ALDH1A1: variants seen among roughly 807,000 people sequenced by gnomAD.
ALDH1A1 encodes the protein aldehyde dehydrogenase 1 family member A1, also known as aldehyde dehydrogenase 1A1.
ALDH1A1 carries 19 observed loss-of-function variants against 62.1 expected under a neutral mutation model. That is an observed-to-expected ratio of 0.31 (90% confidence interval 0.21 to 0.45). The LOEUF is 0.45. Among genes scored for constraint, ALDH1A1 ranks in the 20% least tolerant of loss-of-function variants. The probability of loss-of-function intolerance (pLI) is 1.00; values close to 1 mark genes in which losing one functional copy is unlikely to be tolerated. For synonymous variants in ALDH1A1, 231 were observed against 215.9 expected, an observed-to-expected ratio of 1.07 and a Z score of -0.61; for missense variants, 521 against 607.1, an observed-to-expected ratio of 0.86 and a Z score of 1.49.
Position 72,901,290 on chromosome 9 carries a change from A to G in ALDH1A1, c.1434-10T>C. ...GAAACCGTACTCTCCCCTAGAGAGA[A>G]GAAAAACATACCCACAAACACCATT... On this transcript the variant is annotated splice_polypyrimidine_tract_variant and intron_variant, in intron 12 of 12. Coordinates refer to ENST00000297785, the MANE Select transcript of ALDH1A1 (RefSeq NM_000689.5). The G allele has an allele frequency of 1.3e-6, 2 of 1,588,350 alleles. No individual in the cohort carries two copies. The highest frequency in any genetic ancestry group is 2.2e-5 in the South Asian group (2 of 90,362).
intron 3 of ALDH1A1, 64 bp from the exon 4 acceptor site, chr9:72,929,085 A>C: frequency 6.5e-7 from 1 of 1,531,102 alleles, no homozygotes; most frequent in Non-Finnish European, 8.9e-7. Flanking sequence ...ATATGTAGTA[A>C]ATATTTTCAG....
In ALDH1A1 at chr9:72,901,140, C is replaced by T; in HGVS notation, c.*68G>A. 8.1e-7 allele frequency: 1 copy of T among 1,229,800 alleles called. No individual in the cohort carries two copies. The highest frequency in any genetic ancestry group is 2.1e-5 in the Admixed American group (1 of 47,546). 76.2% of individuals were successfully genotyped at this position (1,229,800 alleles called of 1,614,324 possible). A position where few individuals can be genotyped will look rare whatever the true frequency, so the allele number is the denominator to read the frequency against. On this transcript the variant is annotated 3_prime_UTR_variant, in exon 13 of 13. Transcript: ENST00000297785. The stretch of plus-strand genomic sequence containing the variant: ...AAAAGAAAAATTTTGTCTTTAAAAT[C>T]TACTATATTAGTGACTGTAAGGAGA...
chr9:72,924,002 T>C lies in ALDH1A1; in HGVS notation c.747+17A>G, dbSNP rs375253740. On this transcript the variant is annotated intron_variant, in intron 7 of 12. Coordinates refer to ENST00000297785, the MANE Select transcript of ALDH1A1 (RefSeq NM_000689.5). ...ATGCAGACATTCTTAACTTTTGCCCTGAGTAAATAATATTACCTCTGTTGA... is the reference window on the plus strand; with the variant it reads ...ATGCAGACATTCTTAACTTTTGCCCCGAGTAAATAATATTACCTCTGTTGA... The C allele has an allele frequency of 4.5e-6, 7 of 1,549,322 alleles. No homozygotes were observed. The highest frequency in any genetic ancestry group is 6.1e-6 in the Non-Finnish European group (7 of 1,139,050).
intron 2 of ALDH1A1, among the ~76,000 whole-genome samples, chr9:72,933,817 G>C (rs1297848645): frequency 1.3e-5 from 2 of 151,950 alleles, no homozygotes; most frequent in Admixed American, 1.3e-4. Flanking sequence ...TCAATAGAGG[G>C]AGATTCACTC....
intron 11 of ALDH1A1, among the ~76,000 whole-genome samples, chr9:72,908,062 A>G (rs1829898608): frequency 6.6e-6 from 1 of 151,944 alleles, no homozygotes; most frequent in African/African-American, 2.4e-5. Flanking sequence ...CAGTTTATAC[A>G]TTTTTAAAGC....
chr9:72,908,542 AG>A (rs1829917714), intron 11 of ALDH1A1, among the ~76,000 whole-genome samples: 1 of 79,040 alleles, frequency 1.3e-5, no homozygotes, highest in African/African-American at 4.1e-5. Context: ...AAAGAAAGAA[AG>A]AAAAGAAAGA....
At position 72,911,979 on chromosome 9, in the gene ALDH1A1, C is replaced by G. The variant is rs200416331; in HGVS notation, c.1179G>C (p.Glu393Asp). ...TTACCTCCTCTTTGGCAATGCGCAT[C>G]TCATCTGTAACATTAGAGAACACTG... is the stretch of plus-strand genomic sequence containing the variant. The part of the protein sequence containing the change: ...QPTVFSNVTD[E>D]MRIAKEEIFG... The change falls in exon 10 of 13, where the codon GAG (glutamate) becomes GAC (aspartate). Residue 393 changes from glutamate (E) to aspartate (D), a missense_variant. Transcript: ENST00000297785. 2 of 1,614,000 alleles carry G rather than the reference C, an allele frequency of 1.2e-6. No homozygotes were observed. The highest frequency in any genetic ancestry group is 3.3e-5 in the Admixed American group (2 of 60,000).
At chr9:72,917,308 A>C (rs1830078440) in intron 8 of ALDH1A1, among the ~76,000 whole-genome samples, 1 of 152,172 alleles carries the variant, frequency 6.6e-6, no homozygotes, top group Non-Finnish European at 1.5e-5. Flanking sequence ...AACATACAGA[A>C]TCTGAAAAAA....
chr9:72,912,199 G>T, intron 9 of ALDH1A1, 77 bp from the exon 10 acceptor site: 1 of 1,301,074 alleles, frequency 7.7e-7, no homozygotes, highest in South Asian at 1.4e-5. Flanking sequence ...CTGTTAACAA[G>T]GGCTTCAAAA....
intron 1 of ALDH1A1, among the ~76,000 whole-genome samples, chr9:72,951,637 A>C (rs1830545277): frequency 6.6e-6 from 1 of 151,970 alleles, no homozygotes; most frequent in Non-Finnish European, 1.5e-5. Flanking sequence ...ACAAACTTGG[A>C]ATAAGAAAAT....
chr9:72,938,077 G>A (rs952910183), intron 2 of ALDH1A1, among the ~76,000 whole-genome samples: 1 of 152,062 alleles, frequency 6.6e-6, no homozygotes, highest in Non-Finnish European at 1.5e-5. Flanking sequence ...GGCCCAGTAC[G>A]TTGAGATTTG....
At chr9:72,908,887 T>A (rs1485545985) in intron 11 of ALDH1A1, among the ~76,000 whole-genome samples, 1 of 152,118 alleles carries the variant, frequency 6.6e-6, no homozygotes, top group African/African-American at 2.4e-5. Context: ...TCTTCAAAAT[T>A]CAATCTTTCA....
At chr9:72,948,648 G>T (rs1830501996) in intron 1 of ALDH1A1, among the ~76,000 whole-genome samples, 1 of 151,772 alleles carries the variant, frequency 6.6e-6, no homozygotes, top group African/African-American at 2.4e-5. Context: ...TATCCTCTCA[G>T]CTTTCAGTTA....
At chr9:72,908,543 GAAAAGAAAGAAGAAAGA>G (rs1564622371) in intron 11 of ALDH1A1, among the ~76,000 whole-genome samples, 70 of 33,562 alleles carry the variant, frequency 2.1e-3, no homozygotes, top group Non-Finnish European at 3.3e-3. Flanking sequence ...AAGAAAGAAA[GAAAAGAAAGAAGAAAGA>G]AAGAAAGAAA....
chr9:72,938,507 T>A (rs348451), intron 2 of ALDH1A1, among the ~76,000 whole-genome samples: 1 of 152,132 alleles, frequency 6.6e-6, no homozygotes, highest in African/African-American at 2.4e-5. Context: ...ACTGCAATGA[T>A]GCGATCTCGG....
intron 7 of ALDH1A1, among the ~76,000 whole-genome samples, chr9:72,919,267 C>T (rs1196117638): frequency 6.6e-6 from 1 of 152,084 alleles, no homozygotes; most frequent in East Asian, 1.9e-4. Context: ...TTATCATGAC[C>T]CAGTCGCAAC....
rs1422185695 is a variant in ALDH1A1, at chr9:72,900,973, A to G, written c.*235T>C. 2.8e-6 allele frequency: 1 copy of G among 361,942 alleles called. No individual in the cohort carries two copies. The highest frequency in any genetic ancestry group is 5.0e-6 in the Non-Finnish European group (1 of 198,846). The allele number at this position is 361,942 out of a possible 1,614,324, so 22.4% of individuals were successfully genotyped here. A position where few individuals can be genotyped will look rare whatever the true frequency, so the allele number is the denominator to read the frequency against. On this transcript the variant is annotated 3_prime_UTR_variant, in exon 13 of 13. Transcript: ENST00000297785. ...CAAAGCTAGAGAGATCATACATCCG[A>G]ATTTGTCTTTTTTTATTTAGGATAG...
At chr9:72,918,649 G>C in intron 8 of ALDH1A1, 71 bp downstream of exon 8, 2 of 212,992 alleles carry the variant, frequency 9.4e-6, no homozygotes, top group South Asian at 1.4e-4. Flanking sequence ...TAAAGTTCAA[G>C]TTCACTTTTG....
intron 1 of ALDH1A1, among the ~76,000 whole-genome samples, chr9:72,942,940 A>G (rs1439638775): frequency 6.6e-6 from 1 of 152,116 alleles, no homozygotes. Context: ...GCTTTGTGTT[A>G]ATGTTAGATA....
Sources: allele counts gnomAD v4.1 joint callset (sites outside exome capture counted in the v4.1 genomes callset), GRCh38; gene constraint gnomAD v4.1.1; transcripts MANE v1.5; gene names NCBI Gene and HGNC (gene_info 2026-07-23, HGNC 2026-07-21).